The following MECOM variants were observed in gnomAD, a reference collection of about 807,000 sequenced individuals.
MECOM encodes MDS1 and EVI1 complex locus.
Under a neutral mutation model 116.3 loss-of-function variants are expected in MECOM, and 13 were observed. The ratio of observed to expected loss-of-function variants is 0.11; its 90% CI spans 0.07 to 0.18. The LOEUF (loss-of-function observed/expected upper bound fraction) is 0.18. Ranked by LOEUF, MECOM falls within the 10% of genes least tolerant of loss-of-function variation. MECOM has a pLI of 1.00. For synonymous variants in MECOM, 528 were observed against 535.2 expected (o/e 0.99, Z 0.19); for missense variants, 1,299 against 1,509.0 (o/e 0.86, Z 2.31).
intron 1 of MECOM, among the ~76,000 whole-genome samples, chr3:169,418,509 T>G: frequency 6.6e-6 from 1 of 151,610 alleles, no homozygotes; most frequent in East Asian, 1.9e-4. Flanking sequence ...AATAAAATAC[T>G]AAACCGAATC....
At chr3:169,484,664 AG>A in intron 1 of MECOM, among the ~76,000 whole-genome samples, 2 of 152,374 alleles carry the variant, frequency 1.3e-5, no homozygotes, top group South Asian at 4.1e-4. Flanking sequence ...GAGACATCTC[AG>A]CTAATAATGG....
chr3:169,650,366 T>G (rs1034806473), intron 1 of MECOM, among the ~76,000 whole-genome samples: 3 of 152,164 alleles, frequency 2.0e-5, no homozygotes, highest in South Asian at 4.1e-4. Flanking sequence ...TAAGGCAGTA[T>G]GATAATAATG....
chr3:169,313,289 AAAGTGT>A, intron 2 of MECOM, among the ~76,000 whole-genome samples: 1 of 150,722 alleles, frequency 6.6e-6, no homozygotes, highest in Admixed American at 6.6e-5. Context: ...AAAAAAAGAG[AAAGTGT>A]AAATTGCAGT....
intron 1 of MECOM, among the ~76,000 whole-genome samples, chr3:169,484,957 G>A (rs1241729914): frequency 6.6e-6 from 1 of 152,084 alleles, no homozygotes; most frequent in South Asian, 2.1e-4. Flanking sequence ...CACCTTTCCC[G>A]AAGTACTGCA....
chr3:169,572,038 T>C, intron 1 of MECOM, among the ~76,000 whole-genome samples: 1 of 152,184 alleles, frequency 6.6e-6, no homozygotes, highest in East Asian at 1.9e-4. Flanking sequence ...GAAACTTTCA[T>C]CAGAGTGAAC....
At chr3:169,635,027 T>C (rs1772557302) in intron 1 of MECOM, among the ~76,000 whole-genome samples, 1 of 152,112 alleles carries the variant, frequency 6.6e-6, no homozygotes, top group South Asian at 2.1e-4. Flanking sequence ...TTCTGGGTGC[T>C]GCAGCAGACA....
chr3:169,369,710 C>T (rs367906452), intron 2 of MECOM, among the ~76,000 whole-genome samples: 9 of 151,974 alleles, frequency 5.9e-5, no homozygotes, highest in South Asian at 2.1e-4. Context: ...GCACTAATGA[C>T]GTTCAAACTC....
chr3:169,335,800 A>G (rs1028768132), intron 2 of MECOM, among the ~76,000 whole-genome samples: 14 of 152,126 alleles, frequency 9.2e-5, no homozygotes, highest in Non-Finnish European at 2.1e-4. Flanking sequence ...TCATGCTTGC[A>G]TTTGATTCAT....
At chr3:169,604,490 C>A (rs16854159) in intron 1 of MECOM, among the ~76,000 whole-genome samples, 1 of 152,144 alleles carries the variant, frequency 6.6e-6, no homozygotes. Context: ...GCATTTGTAC[C>A]CCTGAGCCCT....
chr3:169,091,776 A>G (rs1719803740), intron 14 of MECOM, among the ~76,000 whole-genome samples: 1 of 151,480 alleles, frequency 6.6e-6, no homozygotes, highest in Admixed American at 6.6e-5. Flanking sequence ...GAAAAACAGA[A>G]GTGGTCATTT....
chr3:169,391,875 C>G (rs901575578), intron 1 of MECOM, among the ~76,000 whole-genome samples: 17 of 152,236 alleles, frequency 1.1e-4, no homozygotes, highest in African/African-American at 4.1e-4. Flanking sequence ...TTGAGTCACA[C>G]AGTCTAAGAC....
chr3:169,219,681 TGAGA>T (rs1314844766), intron 2 of MECOM, among the ~76,000 whole-genome samples: 2 of 151,420 alleles, frequency 1.3e-5, no homozygotes, highest in African/African-American at 4.9e-5. Context: ...GTAGAAGGAG[TGAGA>T]GAAAGTCTGT....
chr3:169,472,484 A>G (rs1215167163), intron 1 of MECOM, among the ~76,000 whole-genome samples: 1 of 57,830 alleles, frequency 1.7e-5, no homozygotes, highest in Non-Finnish European at 3.8e-5. Flanking sequence ...AAAGGAAAGG[A>G]AAGGAAAGGA....
chr3:169,298,975 T>A (rs574635305), intron 2 of MECOM, among the ~76,000 whole-genome samples: 1 of 152,196 alleles, frequency 6.6e-6, no homozygotes, highest in Non-Finnish European at 1.5e-5. Flanking sequence ...GATACCACCA[T>A]GGATATAAGA....
chr3:169,327,394 C>T (rs1437951313), intron 2 of MECOM, among the ~76,000 whole-genome samples: 1 of 152,078 alleles, frequency 6.6e-6, no homozygotes, highest in Non-Finnish European at 1.5e-5. Context: ...AATCCCAACA[C>T]TTTGGGAGGC....
intron 1 of MECOM, among the ~76,000 whole-genome samples, chr3:169,526,224 C>T (rs1757954247): frequency 6.6e-6 from 1 of 151,966 alleles, no homozygotes; most frequent in African/African-American, 2.4e-5. Flanking sequence ...CGTCGGAGAG[C>T]CTTTTTCCAG....
chr3:169,324,032 G>A (rs1234400562), intron 2 of MECOM, among the ~76,000 whole-genome samples: 1 of 152,156 alleles, frequency 6.6e-6, no homozygotes, highest in Non-Finnish European at 1.5e-5. Context: ...AAGGACACAG[G>A]GAAGTATTTC....
chr3:169,558,213 T>C (rs753022308), intron 1 of MECOM, among the ~76,000 whole-genome samples: 1 of 152,208 alleles, frequency 6.6e-6, no homozygotes, highest in Non-Finnish European at 1.5e-5. Context: ...TCCAATAAAC[T>C]ATGACTAGGC....
At chr3:169,127,748 G>A (rs1733362600) in intron 5 of MECOM, 96 bp downstream of exon 5, 1 of 975,048 alleles carries the variant, frequency 1.0e-6, no homozygotes, top group South Asian at 1.4e-5. Flanking sequence ...CAGCTCACTG[G>A]AGTTCCAAAT....
Sources: allele counts gnomAD v4.1 joint callset (sites outside exome capture counted in the v4.1 genomes callset), GRCh38; gene constraint gnomAD v4.1.1; transcripts MANE v1.5; gene names NCBI Gene and HGNC (gene_info 2026-07-23, HGNC 2026-07-21).